The following PTPRT variants were observed in gnomAD, a reference collection of about 807,000 sequenced individuals.
The protein encoded by PTPRT is receptor-type tyrosine-protein phosphatase T.
Under a neutral mutation model 176.8 loss-of-function variants are expected in PTPRT, and 56 were observed. The ratio of observed to expected loss-of-function variants is 0.32; its 90% CI spans 0.26 to 0.40. The LOEUF is 0.40. Ranked by LOEUF, PTPRT falls within the 10% of genes least tolerant of loss-of-function variation. PTPRT has a pLI of 1.00. For missense variants in PTPRT, 1,540 were observed against 1,908.2 expected (o/e 0.81, Z 3.60); for synonymous variants, 783 against 739.0 (o/e 1.06, Z -0.96).
intron 15 of PTPRT, among the ~76,000 whole-genome samples, chr20:42,204,123 G>GA (rs1387094511): frequency 3.9e-5 from 6 of 152,156 alleles, no homozygotes; most frequent in Admixed American, 1.3e-4. Flanking sequence ...GAAAGAGAAG[G>GA]AAACGCCTGC....
rs556397078 is a variant in PTPRT at position 42,822,822 on chromosome 20, T to C, written c.215-31356A>G. ...TCAACATCACTGATCATCAAAGAAA[T>C]GCAAATCAAAACCATAATGAGATAC... On this transcript the variant is annotated intron_variant, in intron 2 of 30. Coordinates refer to ENST00000373187, the MANE Select transcript of PTPRT (RefSeq NM_007050.6). Among the ~76,000 whole-genome samples the C allele has an allele frequency of 2.0e-5, 3 of 152,134 alleles. No individual in the cohort carries two copies. The East Asian group carries it at 5.8e-4, about 29-fold the overall frequency.
chr20:42,445,668 C>T (rs2059355807), intron 9 of PTPRT, among the ~76,000 whole-genome samples: 1 of 152,236 alleles, frequency 6.6e-6, no homozygotes, highest in African/African-American at 2.4e-5. Context: ...TTACAATACT[C>T]TGGTTCCGGT....
chr20:42,389,759 G>A (rs1004796010), intron 9 of PTPRT, among the ~76,000 whole-genome samples: 16 of 151,546 alleles, frequency 1.1e-4, no homozygotes, highest in African/African-American at 3.9e-4. Context: ...AGAGGTTAAG[G>A]CAGGAGGATT....
chr20:42,187,328 G>A (rs1053704377), intron 16 of PTPRT, among the ~76,000 whole-genome samples: 2 of 151,642 alleles, frequency 1.3e-5, no homozygotes, highest in African/African-American at 2.4e-5. Flanking sequence ...TTTGAGATGT[G>A]TTTGATGTCT....
At chr20:42,320,509 C>T (rs899639256) in intron 11 of PTPRT, among the ~76,000 whole-genome samples, 9 of 152,120 alleles carry the variant, frequency 5.9e-5, no homozygotes, top group African/African-American at 1.9e-4. Flanking sequence ...ACAGATTGCC[C>T]AACTTCAGAA....
At chr20:42,566,495 A>G (rs1329484965) in intron 7 of PTPRT, among the ~76,000 whole-genome samples, 2 of 152,324 alleles carry the variant, frequency 1.3e-5, no homozygotes, top group East Asian at 3.9e-4. Context: ...CAGAACCTCA[A>G]GACTAGTTTT....
At chr20:42,426,156 C>T (rs1228850343) in intron 9 of PTPRT, among the ~76,000 whole-genome samples, 2 of 152,102 alleles carry the variant, frequency 1.3e-5, no homozygotes, top group Non-Finnish European at 1.5e-5. Context: ...ACCCACAGCC[C>T]TAAATGGGAA....
intron 9 of PTPRT, among the ~76,000 whole-genome samples, chr20:42,409,796 C>A (rs1193822336): frequency 6.6e-6 from 1 of 152,170 alleles, no homozygotes; most frequent in East Asian, 1.9e-4. Flanking sequence ...TAGAATATAG[C>A]AACACATTTT....
At chr20:42,682,396 CCT>C (rs1279370530) in intron 6 of PTPRT, among the ~76,000 whole-genome samples, 3 of 152,132 alleles carry the variant, frequency 2.0e-5, no homozygotes, top group Non-Finnish European at 2.9e-5. Context: ...TATACCATTC[CCT>C]CTTATCAGCA....
At chr20:42,453,883 G>T (rs2070876525) in intron 8 of PTPRT, among the ~76,000 whole-genome samples, 1 of 149,624 alleles carries the variant, frequency 6.7e-6, no homozygotes, top group South Asian at 2.1e-4. Flanking sequence ...ATTTTCAGAA[G>T]AGATGGGGTT....
intron 7 of PTPRT, among the ~76,000 whole-genome samples, chr20:42,576,323 AC>A (rs2073259639): frequency 2.0e-5 from 3 of 152,040 alleles, no homozygotes; most frequent in African/African-American, 7.3e-5. Context: ...CCCTCTGTTT[AC>A]TTGCCTGTTA....
At chr20:42,308,932 T>C (rs555031996) in intron 12 of PTPRT, among the ~76,000 whole-genome samples, 8 of 152,340 alleles carry the variant, frequency 5.3e-5, no homozygotes, top group African/African-American at 1.9e-4. Flanking sequence ...GCAAGCATCA[T>C]GACCAATTCA....
intron 15 of PTPRT, among the ~76,000 whole-genome samples, chr20:42,222,566 G>C (rs1342455031): frequency 6.6e-6 from 1 of 152,074 alleles, no homozygotes; most frequent in Non-Finnish European, 1.5e-5. Flanking sequence ...CATACCCAGG[G>C]GGAGGAATGC....
intron 9 of PTPRT, among the ~76,000 whole-genome samples, chr20:42,385,078 T>A (rs1195562818): frequency 1.3e-5 from 2 of 152,214 alleles, no homozygotes; most frequent in Non-Finnish European, 2.9e-5. Context: ...GTGCAAAACC[T>A]TGTAGTTTGA....
At chr20:42,312,337 C>A (rs1226142872) in intron 12 of PTPRT, among the ~76,000 whole-genome samples, 1 of 152,134 alleles carries the variant, frequency 6.6e-6, no homozygotes, top group Non-Finnish European at 1.5e-5. Flanking sequence ...GATTATAACA[C>A]TTTCTCCTCA....
At position 42,390,445 on chromosome 20, in the gene PTPRT, C is replaced by G. The variant is rs140189927; in HGVS notation, c.1561-38160G>C. Among the ~76,000 whole-genome samples the G allele has an allele frequency of 1.4e-3, 219 of 152,302 alleles. 3 individuals carry two copies. Among genetic ancestry groups the G allele is most frequent in the African/African-American group, 3.9e-3 (161 of 41,552 alleles). ...GTAAATGCCAGCTTCCATTAACCAA[C>G]GTAAATGTCAGTGGTAGTCAGCTCC... On this transcript the variant is annotated intron_variant, in intron 9 of 30. Transcript: ENST00000373187.
intron 6 of PTPRT, among the ~76,000 whole-genome samples, chr20:42,720,228 G>A (rs949516687): frequency 6.6e-6 from 1 of 152,168 alleles, no homozygotes; most frequent in African/African-American, 2.4e-5. Flanking sequence ...GTACCGAACC[G>A]TGGGCTTACA....
At chr20:43,161,547 A>C (rs1189952226) in intron 1 of PTPRT, among the ~76,000 whole-genome samples, 1 of 152,162 alleles carries the variant, frequency 6.6e-6, no homozygotes, top group Admixed American at 6.5e-5. Flanking sequence ...ACTTTGACTC[A>C]GAGTTTCATG....
chr20:42,312,179 C>A (rs984602980), intron 12 of PTPRT, among the ~76,000 whole-genome samples: 1 of 152,094 alleles, frequency 6.6e-6, no homozygotes, highest in Non-Finnish European at 1.5e-5. Flanking sequence ...TTTCTCAATT[C>A]TTGATTTCTT....
Sources: gnomAD v4.1 joint callset for allele counts (sites outside exome capture counted in the v4.1 genomes callset) on GRCh38, gnomAD v4.1.1 for gene constraint, MANE v1.5 for transcripts, NCBI Gene and HGNC (gene_info 2026-07-23, HGNC 2026-07-21) for gene names.